RNF141: variants seen among roughly 807,000 people sequenced by gnomAD.
The protein encoded by RNF141 is ring finger protein 141.
RNF141 carries 18 observed loss-of-function variants against 27.4 expected under a neutral mutation model. The ratio of observed to expected loss-of-function variants is 0.66; its 90% confidence interval spans 0.45 to 0.97. RNF141 has a LOEUF of 0.97. Ranked by LOEUF, RNF141 falls within the 50% of genes least tolerant of loss-of-function variation. RNF141 has a pLI of 0.00. For synonymous variants in RNF141, 97 were observed against 96.6 expected (o/e 1.00, Z -0.02); for missense variants, 230 against 279.4 (o/e 0.82, Z 1.26).
At position 10,512,793 on chromosome 11, in the gene RNF141, A is replaced by G. The variant is rs911523482; in HGVS notation, c.*2123T>C. ...TTTTTTAAAAAAAACGACTCCCACT[A>G]TATGTGTGTTACTCACCAAATTCAA... is the stretch of plus-strand genomic sequence containing the variant. On this transcript the variant is annotated 3_prime_UTR_variant, in exon 6 of 6. Transcript: ENST00000265981. 6.6e-6 allele frequency: 1 copy of G among 152,154 alleles called. No individual in the cohort carries two copies. Among genetic ancestry groups the G allele is most frequent in the Non-Finnish European group, 1.5e-5 (1 of 68,024 alleles). 9.4% of individuals were successfully genotyped at this position (152,154 alleles called of 1,614,324 possible).
At chr11:10,515,326 A>C in intron 5 of RNF141, 1 of 382,856 alleles carries the variant, frequency 2.6e-6, no homozygotes, top group East Asian at 4.5e-5. Context: ...ACGTGCACAC[A>C]CACATTTCTC....
At chr11:10,531,566 C>G (rs1358105402) in intron 2 of RNF141, among the ~76,000 whole-genome samples, 1 of 152,124 alleles carries the variant, frequency 6.6e-6, no homozygotes, top group Non-Finnish European at 1.5e-5. Flanking sequence ...ATTTGAGACA[C>G]TTTATATATA....
In RNF141 at chr11:10,514,417, T is replaced by G. The variant is rs540206529; in HGVS notation, c.*499A>C. 1 of 152,686 alleles carries G rather than the reference T, an allele frequency of 6.5e-6. No homozygotes were observed. Among genetic ancestry groups the G allele is most frequent in the Non-Finnish European group, 1.5e-5 (1 of 68,090 alleles). The allele number at this position is 152,686 out of a possible 1,614,324, so 9.5% of individuals were successfully genotyped here. A position where few individuals can be genotyped will look rare whatever the true frequency, so the allele number is the denominator to read the frequency against. ...CAATAATTAACCACAAGGGGGCATATATATATATACTCCTTAGATTCCAGC... is the reference window on the plus strand; with the variant it reads ...CAATAATTAACCACAAGGGGGCATAGATATATATACTCCTTAGATTCCAGC... On this transcript the variant is annotated 3_prime_UTR_variant, in exon 6 of 6. Coordinates refer to ENST00000265981, the MANE Select transcript of RNF141 (RefSeq NM_016422.4).
chr11:10,531,529 T>C (rs1276539148), intron 2 of RNF141, among the ~76,000 whole-genome samples: 1 of 152,184 alleles, frequency 6.6e-6, no homozygotes, highest in Non-Finnish European at 1.5e-5. Flanking sequence ...TTCAGATAAT[T>C]TGGGGCTACA....
At chr11:10,521,827 G>A (rs576361527) in intron 4 of RNF141, among the ~76,000 whole-genome samples, 1 of 152,306 alleles carries the variant, frequency 6.6e-6, no homozygotes, top group Admixed American at 6.5e-5. Flanking sequence ...CATGATACTT[G>A]GGTATGGAAA....
Position 10,514,972 on chromosome 11 carries a change from T to C in RNF141, c.637A>G (p.Met213Val). ...VVSDAPTEDD[M>V]ANYILNMADE... ...GCCATGTTAAGAATATAGTTAGCCA[T>C]ATCATCTTCAGTGGGTGCATCTGAT... Residue 213 changes from methionine to valine, a missense_variant, in exon 6 of 6, where the codon ATG becomes GTG. By Grantham distance (21) the Met-to-Val change is conservative. Transcript: ENST00000265981. 6.2e-7 allele frequency: 1 copy of C among 1,614,040 alleles called. No homozygotes were observed. Among genetic ancestry groups the C allele is most frequent in the Admixed American group, 1.7e-5 (1 of 59,992 alleles).
intron 2 of RNF141, chr11:10,532,066 G>T: frequency 2.3e-6 from 1 of 433,276 alleles, no homozygotes; most frequent in Non-Finnish European, 4.6e-6. Flanking sequence ...CTTAGTTTGT[G>T]GATGGTTTTA....
At chr11:10,522,191 C>T (rs979850128) in intron 4 of RNF141, among the ~76,000 whole-genome samples, 3 of 152,146 alleles carry the variant, frequency 2.0e-5, no homozygotes, top group African/African-American at 7.2e-5. Flanking sequence ...TGAATAAAAA[C>T]CTAGATGGAT....
At chr11:10,540,170 A>G (rs949473325) in intron 1 of RNF141, among the ~76,000 whole-genome samples, 2 of 152,120 alleles carry the variant, frequency 1.3e-5, no homozygotes, top group Non-Finnish European at 2.9e-5. Flanking sequence ...GAATGGGTAG[A>G]GGTCATTTTA....
chr11:10,534,477 TACACACACACAC>T (rs3074399), intron 1 of RNF141, among the ~76,000 whole-genome samples: 2 of 149,880 alleles, frequency 1.3e-5, no homozygotes, highest in East Asian at 2.0e-4. Flanking sequence ...TGTGCATGTG[TACACACACACAC>T]ACACACACAC....
rs1398358897 is a variant in RNF141, at chr11:10,527,413, A to AG, written c.253-2041dup. ...GCAGAAATGAGTCATATAGATGTCT[A>AG]GGGGGAAGATCATTCCAGGCTGAGA... On this transcript the variant is annotated intron_variant, in intron 3 of 5. Transcript: ENST00000265981. 4.0e-5 allele frequency among the ~76,000 whole-genome samples: 6 copies of AG among 150,060 alleles called. No individual in the cohort carries two copies. In the South Asian group the frequency reaches 1.0e-3, roughly 26 times the overall value.
At position 10,530,873 on chromosome 11, in the gene RNF141, C is replaced by A. The variant is rs1849979832; in HGVS notation, c.144-122G>T. 1.1e-5 allele frequency: 6 copies of A among 527,582 alleles called. No homozygotes were observed. In the South Asian group the frequency reaches 1.3e-4, roughly 11 times the overall value. 32.7% of individuals were successfully genotyped at this position (527,582 alleles called of 1,614,324 possible). On this transcript the variant is annotated intron_variant, in intron 2 of 5. Coordinates refer to ENST00000265981, the MANE Select transcript of RNF141 (RefSeq NM_016422.4). ...GGAAATATGAAGAAACACAAAAAGA[C>A]AAATAATAATGATTATAATAACTGG...
At chr11:10,528,020 A>C (rs1045783254) in intron 3 of RNF141, among the ~76,000 whole-genome samples, 9 of 152,208 alleles carry the variant, frequency 5.9e-5, no homozygotes, top group African/African-American at 2.2e-4. Context: ...CTTAACAGCC[A>C]CCTTAGTACC....
intron 1 of RNF141, 44 bp from the exon 2 acceptor site, chr11:10,534,249 AC>A: frequency 7.5e-7 from 1 of 1,336,184 alleles, no homozygotes; most frequent in Middle Eastern, 2.4e-4. Flanking sequence ...TTATACAAAA[AC>A]GGCAATATAC....
chr11:10,516,388 A>G (rs906811528), intron 5 of RNF141: 4 of 152,246 alleles, frequency 2.6e-5, no homozygotes, highest in Non-Finnish European at 5.9e-5. Context: ...AGAAGGTGAG[A>G]CCTATACTTG....
intron 5 of RNF141, 36 bp downstream of exon 5, chr11:10,518,998 C>A: frequency 6.5e-7 from 1 of 1,532,724 alleles, no homozygotes. Context: ...ATCCCACTGA[C>A]CTTGGCCCAG....
At chr11:10,532,619 T>G (rs952688781) in intron 2 of RNF141, among the ~76,000 whole-genome samples, 1 of 152,112 alleles carries the variant, frequency 6.6e-6, no homozygotes, top group Non-Finnish European at 1.5e-5. Flanking sequence ...GAAACCATCT[T>G]CTAAGATAAC....
intron 1 of RNF141, among the ~76,000 whole-genome samples, chr11:10,535,855 C>T (rs1020689791): frequency 3.3e-5 from 5 of 152,156 alleles, no homozygotes; most frequent in Admixed American, 6.5e-5. Context: ...TTTTCTTGAT[C>T]GAATCCAAAC....
intron 2 of RNF141, among the ~76,000 whole-genome samples, chr11:10,533,641 A>G (rs1029012760): frequency 1.3e-5 from 2 of 151,982 alleles, no homozygotes; most frequent in Non-Finnish European, 2.9e-5. Flanking sequence ...CTATCCTAGG[A>G]GTCTTTCTCT....
Sources: gnomAD v4.1 joint callset for allele counts (sites outside exome capture counted in the v4.1 genomes callset) on GRCh38, gnomAD v4.1.1 for gene constraint, MANE v1.5 for transcripts, NCBI Gene and HGNC (gene_info 2026-07-23, HGNC 2026-07-21) for gene names.